The following TAFA1 variants were observed in gnomAD, a reference collection of about 807,000 sequenced individuals.
The protein encoded by TAFA1 is chemokine-like protein TAFA-1.
A neutral mutation model predicts 18.5 loss-of-function variants in TAFA1; 4 were observed. That is an observed-to-expected ratio of 0.22 (90% CI 0.11 to 0.49). TAFA1 has a LOEUF of 0.49. TAFA1 is among the 20% of genes least tolerant of loss of function. The pLI is 0.98. For missense variants in TAFA1, 147 were observed against 169.0 expected, an observed-to-expected ratio of 0.87 and a Z score of 0.72; for synonymous variants, 56 against 55.2, an observed-to-expected ratio of 1.01 and a Z score of -0.06.
At chr3:68,136,552 G>A (rs2065610351) in intron 2 of TAFA1, among the ~76,000 whole-genome samples, 2 of 152,060 alleles carry the variant, frequency 1.3e-5, no homozygotes, top group African/African-American at 4.8e-5. Context: ...TTCTTTACCT[G>A]GAACGGCTTC....
At chr3:68,246,799 C>T (rs2067090136) in intron 2 of TAFA1, 2 of 152,056 alleles carry the variant, frequency 1.3e-5, no homozygotes, top group African/African-American at 2.4e-5. Context: ...GTTCAAATCT[C>T]GGCTGTACTG....
Position 68,409,413 on chromosome 3 carries a change from C to T in TAFA1, c.119-7867C>T, listed in dbSNP as rs556052626. On this transcript the variant is annotated intron_variant, in intron 2 of 4. Coordinates refer to ENST00000478136, the MANE Select transcript of TAFA1 (RefSeq NM_213609.4). ...GATTGGATCATGAGGGTGGTTTCCCCCATGCTGTTCTCATGATGGTGGGGG... is the reference window on the plus strand; with the variant it reads ...GATTGGATCATGAGGGTGGTTTCCCTCATGCTGTTCTCATGATGGTGGGGG... 7.9e-5 allele frequency among the ~76,000 whole-genome samples: 12 copies of T among 152,104 alleles called. No individual in the cohort carries two copies. The East Asian group carries it at 2.3e-3, about 29-fold the overall frequency.
chr3:68,101,213 G>T (rs2065143700), intron 2 of TAFA1, among the ~76,000 whole-genome samples: 1 of 151,888 alleles, frequency 6.6e-6, no homozygotes, highest in African/African-American at 2.4e-5. Context: ...AAATAGGAGA[G>T]GTCAGGCCCT....
intron 2 of TAFA1, chr3:68,192,456 C>CA (rs907888400): frequency 1.5e-5 from 3 of 201,886 alleles, no homozygotes; most frequent in Admixed American, 4.5e-5. Flanking sequence ...GGGAATACCG[C>CA]AAGTTGCTCA....
chr3:68,177,443 T>A (rs1418171814), intron 2 of TAFA1, among the ~76,000 whole-genome samples: 1 of 152,180 alleles, frequency 6.6e-6, no homozygotes, highest in Non-Finnish European at 1.5e-5. Flanking sequence ...TCTTTACTAC[T>A]ACCTTGCTCT....
At chr3:68,295,750 G>A (rs1279426583) in intron 2 of TAFA1, among the ~76,000 whole-genome samples, 3 of 152,176 alleles carry the variant, frequency 2.0e-5, no homozygotes, top group Non-Finnish European at 4.4e-5. Flanking sequence ...AGGATTACAA[G>A]CATGTGCCAG....
intron 2 of TAFA1, among the ~76,000 whole-genome samples, chr3:68,100,004 G>A (rs2065129955): frequency 6.6e-6 from 1 of 152,140 alleles, no homozygotes; most frequent in South Asian, 2.1e-4. Flanking sequence ...CTAGAAAGGG[G>A]AGGGAGGGAG....
intron 3 of TAFA1, among the ~76,000 whole-genome samples, chr3:68,439,283 C>T (rs1378572062): frequency 6.6e-6 from 1 of 151,280 alleles, no homozygotes; most frequent in South Asian, 2.1e-4. Flanking sequence ...GACCATGAAA[C>T]GTCTATATTT....
At chr3:68,501,278 G>C (rs1287690368) in intron 3 of TAFA1, among the ~76,000 whole-genome samples, 1 of 151,122 alleles carries the variant, frequency 6.6e-6, no homozygotes, top group Non-Finnish European at 1.5e-5. Flanking sequence ...ATTGAAAATT[G>C]AATTACTGTA....
chr3:68,075,340 T>C (rs1360468855), intron 2 of TAFA1, among the ~76,000 whole-genome samples: 1 of 152,224 alleles, frequency 6.6e-6, no homozygotes, highest in Non-Finnish European at 1.5e-5. Context: ...TCCTTCCCCT[T>C]TGTTCCTTTT....
intron 2 of TAFA1, among the ~76,000 whole-genome samples, chr3:68,025,860 C>T (rs1213170716): frequency 6.6e-6 from 1 of 152,174 alleles, no homozygotes; most frequent in African/African-American, 2.4e-5. Flanking sequence ...TTCTCCTGGT[C>T]TATTTTTGCA....
rs139771891 is a variant in TAFA1 at position 68,427,522 on chromosome 3, A to C, written c.259+10102A>C. ...TGGAAAAATCTGATAACTTTATATA[A>C]GGAAGTAGTAAAACTTGTATCCCCT... is the stretch of plus-strand genomic sequence containing the variant. On this transcript the variant is annotated intron_variant, in intron 3 of 4. Transcript: ENST00000478136. Among the ~76,000 whole-genome samples, 20 of 152,044 alleles carry C rather than the reference A, an allele frequency of 1.3e-4. No individual in the cohort carries two copies. In the East Asian group the frequency reaches 3.7e-3, roughly 28 times the overall value.
chr3:68,206,921 C>G (rs954266058), intron 2 of TAFA1, among the ~76,000 whole-genome samples: 3 of 151,788 alleles, frequency 2.0e-5, no homozygotes, highest in African/African-American at 7.3e-5. Context: ...GGTTAATCAC[C>G]CCCACAGCAC....
intron 3 of TAFA1, among the ~76,000 whole-genome samples, chr3:68,497,931 A>C (rs1342555754): frequency 6.6e-6 from 1 of 152,176 alleles, no homozygotes; most frequent in Non-Finnish European, 1.5e-5. Flanking sequence ...CAGGAAAATT[A>C]TCTCCACCTG....
intron 2 of TAFA1, among the ~76,000 whole-genome samples, chr3:68,241,366 C>T (rs2066997046): frequency 6.6e-6 from 1 of 152,122 alleles, no homozygotes; most frequent in Admixed American, 6.6e-5. Flanking sequence ...AGCCCAATTA[C>T]CTTCTGGGGA....
chr3:68,222,816 G>A (rs2107096703), intron 2 of TAFA1, among the ~76,000 whole-genome samples: 1 of 152,100 alleles, frequency 6.6e-6, no homozygotes, highest in South Asian at 2.1e-4. Flanking sequence ...GGGATTACAG[G>A]CGCCTGCCAC....
chr3:68,532,111 G>C (rs1300450982), intron 3 of TAFA1, among the ~76,000 whole-genome samples: 1 of 152,132 alleles, frequency 6.6e-6, no homozygotes, highest in African/African-American at 2.4e-5. Flanking sequence ...GGAGAAAGTA[G>C]GCAAATTTAT....
At chr3:68,021,596 T>C (rs78891558) in intron 2 of TAFA1, among the ~76,000 whole-genome samples, 1 of 152,210 alleles carries the variant, frequency 6.6e-6, no homozygotes. Context: ...TACTGCTGTA[T>C]GTACCCTGTA....
rs1704498474 is a variant in TAFA1, at chr3:68,012,859, T to C, written c.118+6115T>C. On this transcript the variant is annotated intron_variant, in intron 2 of 4. Coordinates refer to ENST00000478136, the MANE Select transcript of TAFA1 (RefSeq NM_213609.4). Reference sequence around the variant, plus strand: ...AATGTCTAGGCCAGCATTTCAGAATTATACTTCATGAAACACTGTCTTCTG... The same window carrying C: ...AATGTCTAGGCCAGCATTTCAGAATCATACTTCATGAAACACTGTCTTCTG... Among the ~76,000 whole-genome samples the C allele has an allele frequency of 3.9e-5, 6 of 152,156 alleles. No homozygotes were observed. The South Asian group carries it at 1.2e-3, about 32-fold the overall frequency.
Sources: gnomAD v4.1 joint callset for allele counts (sites outside exome capture counted in the v4.1 genomes callset) on GRCh38, gnomAD v4.1.1 for gene constraint, MANE v1.5 for transcripts, NCBI Gene and HGNC (gene_info 2026-07-23, HGNC 2026-07-21) for gene names.